UNC5C: variants seen among roughly 807,000 people sequenced by gnomAD.
UNC5C encodes netrin receptor UNC5C.
In UNC5C, 47 loss-of-function variants were observed where a neutral mutation model predicts 99.8. The observed-to-expected ratio is 0.47, with a 90% CI of 0.37 to 0.60. The LOEUF (loss-of-function observed/expected upper bound fraction) is 0.60. Ranked by LOEUF, UNC5C falls within the 20% of genes least tolerant of loss-of-function variation. The pLI is 0.00. For synonymous variants in UNC5C, 487 were observed against 452.2 expected (o/e 1.08, Z -0.98); for missense variants, 1,062 against 1,165.9 (o/e 0.91, Z 1.30).
chr4:95,523,224 G>A (rs758908611), intron 1 of UNC5C, among the ~76,000 whole-genome samples: 12 of 152,176 alleles, frequency 7.9e-5, no homozygotes, highest in Non-Finnish European at 1.5e-4. Flanking sequence ...TCACCTTGAG[G>A]AAACCTACCA....
chr4:95,538,368 G>A (rs1722831122), intron 1 of UNC5C, among the ~76,000 whole-genome samples: 1 of 152,156 alleles, frequency 6.6e-6, no homozygotes, highest in Non-Finnish European at 1.5e-5. Context: ...CCTCAAGTGT[G>A]TTGTTTGAAC....
chr4:95,514,863 G>A (rs934823504), intron 1 of UNC5C, among the ~76,000 whole-genome samples: 1 of 151,464 alleles, frequency 6.6e-6, no homozygotes, highest in Non-Finnish European at 1.5e-5. Context: ...TGGTAGAGAC[G>A]GGGTTTCACC....
At chr4:95,548,565 T>C (rs927800722) in intron 1 of UNC5C, among the ~76,000 whole-genome samples, 169 bp downstream of exon 1, 8 of 151,760 alleles carry the variant, frequency 5.3e-5, no homozygotes, top group African/African-American at 1.9e-4. Context: ...ATAATTATTA[T>C]TATTATAATC....
intron 12 of UNC5C, among the ~76,000 whole-genome samples, chr4:95,191,317 A>G (rs1268935007): frequency 6.6e-6 from 1 of 152,138 alleles, no homozygotes; most frequent in African/African-American, 2.4e-5. Context: ...GCTATTGCTC[A>G]CTGGGAGCCC....
chr4:95,175,163 A>C (rs1736283552), intron 14 of UNC5C, among the ~76,000 whole-genome samples: 1 of 150,906 alleles, frequency 6.6e-6, no homozygotes, highest in Non-Finnish European at 1.5e-5. Context: ...GGTTTCCTGA[A>C]TACAGCACAC....
At position 95,219,218 on chromosome 4, in the gene UNC5C, T is replaced by A; in HGVS notation, c.1396A>T (p.Thr466Ser). The A allele has an allele frequency of 6.2e-7, 1 of 1,614,170 alleles. No homozygotes were observed. Among genetic ancestry groups the A allele is most frequent in the South Asian group, 1.1e-5 (1 of 91,088 alleles). ...LHDVSDKIPMTNSPILDPLPN... is the reference protein window; with the variant it reads ...LHDVSDKIPMSNSPILDPLPN... ...AGTGGATCCAGAATTGGAGAGTTGGTCATTGGGATTTTGTCTGAGACGTCA... is the reference window on the plus strand; with the variant it reads ...AGTGGATCCAGAATTGGAGAGTTGGACATTGGGATTTTGTCTGAGACGTCA... The change falls in exon 9 of 16, where the codon ACC (threonine) becomes TCC (serine). Residue 466 changes from threonine to serine, a missense_variant. Thr to Ser is a moderately conservative substitution (Grantham distance 58). Coordinates refer to ENST00000453304, the MANE Select transcript of UNC5C (RefSeq NM_003728.4).
At chr4:95,243,501 C>T (rs1220127009) in intron 6 of UNC5C, among the ~76,000 whole-genome samples, 3 of 152,132 alleles carry the variant, frequency 2.0e-5, no homozygotes, top group African/African-American at 4.8e-5. Flanking sequence ...TATTAATTTT[C>T]CCTGAAATAT....
chr4:95,443,318 T>C (rs552677080), intron 1 of UNC5C, among the ~76,000 whole-genome samples: 1 of 152,280 alleles, frequency 6.6e-6, no homozygotes, highest in South Asian at 2.1e-4. Context: ...TCTTTGTGTA[T>C]TTTTGTGTTG....
chr4:95,255,636 T>G (rs1416298650), intron 4 of UNC5C, among the ~76,000 whole-genome samples: 1 of 131,772 alleles, frequency 7.6e-6, no homozygotes, highest in Non-Finnish European at 1.6e-5. Context: ...GGATTTGTAC[T>G]CCGTATCTTA....
chr4:95,397,338 C>T (rs1255977480), intron 1 of UNC5C, among the ~76,000 whole-genome samples: 2 of 152,168 alleles, frequency 1.3e-5, no homozygotes, highest in African/African-American at 4.8e-5. Context: ...GTATTTTCAA[C>T]TAAACAAATA....
intron 1 of UNC5C, among the ~76,000 whole-genome samples, chr4:95,535,591 T>C (rs1015767623): frequency 6.6e-6 from 1 of 152,208 alleles, no homozygotes; most frequent in African/African-American, 2.4e-5. Flanking sequence ...CTTGAAAATA[T>C]GAAGTGAAAC....
chr4:95,491,014 C>T (rs190424143), intron 1 of UNC5C, among the ~76,000 whole-genome samples: 58 of 151,430 alleles, frequency 3.8e-4, no homozygotes, highest in East Asian at 2.0e-3. Flanking sequence ...ACAGAGTAGG[C>T]GCTTAATACA....
intron 1 of UNC5C, among the ~76,000 whole-genome samples, chr4:95,441,813 G>A (rs1444279015): frequency 6.6e-6 from 1 of 152,174 alleles, no homozygotes; most frequent in East Asian, 1.9e-4. Context: ...CTAGTGAATG[G>A]TACAGTCAGA....
chr4:95,263,291 T>A (rs1740314890), intron 4 of UNC5C, among the ~76,000 whole-genome samples: 1 of 152,204 alleles, frequency 6.6e-6, no homozygotes, highest in South Asian at 2.1e-4. Context: ...CTATTTAATT[T>A]TTTTGATAAT....
intron 1 of UNC5C, among the ~76,000 whole-genome samples, chr4:95,424,807 G>A (rs1265577274): frequency 6.6e-6 from 1 of 151,898 alleles, no homozygotes; most frequent in East Asian, 1.9e-4. Flanking sequence ...ACAGGAGTGA[G>A]CCACCGCACC....
At chr4:95,461,372 T>C (rs1230194603) in intron 1 of UNC5C, among the ~76,000 whole-genome samples, 1 of 98,430 alleles carries the variant, frequency 1.0e-5, no homozygotes, top group Admixed American at 9.1e-5. Context: ...GATGTTATGC[T>C]CTGTTACTAA....
At chr4:95,208,040 G>C (rs1301319823) in intron 10 of UNC5C, among the ~76,000 whole-genome samples, 1 of 152,084 alleles carries the variant, frequency 6.6e-6, no homozygotes, top group African/African-American at 2.4e-5. Context: ...ATGGTTTCCA[G>C]ATCTCTCCTC....
At chr4:95,242,320 A>G (rs1739353410) in intron 7 of UNC5C, 109 bp downstream of exon 7, 5 of 1,443,786 alleles carry the variant, frequency 3.5e-6, no homozygotes, top group Non-Finnish European at 4.7e-6. Context: ...ATGTTATTGC[A>G]TTTTATTGTT....
intron 3 of UNC5C, among the ~76,000 whole-genome samples, chr4:95,297,745 A>G (rs1483132943): frequency 3.3e-5 from 5 of 152,196 alleles, no homozygotes; most frequent in Admixed American, 6.5e-5. Context: ...TTTCTCTCAC[A>G]TCACACATCC....
Sources: allele counts gnomAD v4.1 joint callset (sites outside exome capture counted in the v4.1 genomes callset), GRCh38; gene constraint gnomAD v4.1.1; transcripts MANE v1.5; gene names NCBI Gene and HGNC (gene_info 2026-07-23, HGNC 2026-07-21).